CMSS1: variants seen among roughly 807,000 people sequenced by gnomAD.
CMSS1 encodes the protein protein CMSS1.
A neutral mutation model predicts 43.5 loss-of-function variants in CMSS1; 33 were observed. The observed-to-expected ratio is 0.76, with a 90% CI of 0.57 to 1.01. The LOEUF (loss-of-function observed/expected upper bound fraction) is 1.01. Among genes scored for constraint, CMSS1 ranks in the 50% least tolerant of loss-of-function variants. CMSS1 has a pLI of 0.00. For missense variants in CMSS1, 313 were observed against 326.4 expected, an observed-to-expected ratio of 0.96 and a Z score of 0.32; for synonymous variants, 115 against 117.2, an observed-to-expected ratio of 0.98 and a Z score of 0.12.
intron 2 of CMSS1, among the ~76,000 whole-genome samples, chr3:100,148,030 T>G (rs1576104645): frequency 6.6e-6 from 1 of 152,312 alleles, no homozygotes; most frequent in East Asian, 1.9e-4. Context: ...TCCTTTTAAT[T>G]TTAAAAAATT....
intron 1 of CMSS1, among the ~76,000 whole-genome samples, chr3:99,974,733 C>A (rs967016424): frequency 1.3e-5 from 2 of 151,980 alleles, no homozygotes; most frequent in Non-Finnish European, 2.9e-5. Flanking sequence ...ACAACAACAA[C>A]AAAAACTCAT....
chr3:99,873,126 T>A lies in CMSS1; in HGVS notation c.64+55083T>A, dbSNP rs555288514. Among the ~76,000 whole-genome samples, 29 of 152,276 alleles carry A rather than the reference T, an allele frequency of 1.9e-4. No homozygotes were observed. In the East Asian group the frequency reaches 5.6e-3, roughly 29 times the overall value. ...CTGGGTTGGTGGCTAGAAAATGTTG[T>A]GGTGATGACAGCAGCAACCACAGAA... is the stretch of plus-strand genomic sequence containing the variant. On this transcript the variant is annotated intron_variant, in intron 1 of 9. Coordinates refer to ENST00000421999, the MANE Select transcript of CMSS1 (RefSeq NM_032359.4).
rs867658995 is a variant in CMSS1, at chr3:99,983,452, A to G, written c.65-163521A>G. ...TGTATGTATATATATGTATGTATAT[A>G]TATATATGTGTGTATATATATATAT... is the stretch of plus-strand genomic sequence containing the variant. On this transcript the variant is annotated intron_variant, in intron 1 of 9. Coordinates refer to ENST00000421999, the MANE Select transcript of CMSS1 (RefSeq NM_032359.4). Among the ~76,000 whole-genome samples, 43 of 8,232 alleles carry G rather than the reference A, an allele frequency of 5.2e-3. 2 individuals are homozygous for G. The highest frequency in any genetic ancestry group is 0.021 in the African/African-American group (39 of 1,854). 5.4% of individuals were successfully genotyped at this position (8,232 alleles called of 152,430 possible). A position where few individuals can be genotyped will look rare whatever the true frequency, so the allele number is the denominator to read the frequency against.
intron 1 of CMSS1, among the ~76,000 whole-genome samples, chr3:100,072,733 T>C (rs766755281): frequency 1.3e-5 from 2 of 152,212 alleles, no homozygotes; most frequent in African/African-American, 2.4e-5. Context: ...TGAGGACTTA[T>C]CACCTGACCT....
intron 1 of CMSS1, among the ~76,000 whole-genome samples, chr3:100,105,554 C>T (rs541280913): frequency 5.9e-5 from 9 of 152,188 alleles, no homozygotes; most frequent in Non-Finnish European, 1.3e-4. Flanking sequence ...TAAGATTAAC[C>T]GAAAACATAG....
At chr3:99,996,907 A>G (rs988708677) in intron 1 of CMSS1, among the ~76,000 whole-genome samples, 9 of 152,180 alleles carry the variant, frequency 5.9e-5, no homozygotes, top group Non-Finnish European at 1.3e-4. Flanking sequence ...TCACTGGGTC[A>G]ATGAAGAAAT....
intron 1 of CMSS1, among the ~76,000 whole-genome samples, chr3:99,892,017 TTC>T (rs1706097104): frequency 6.6e-6 from 1 of 152,206 alleles, no homozygotes; most frequent in South Asian, 2.1e-4. Flanking sequence ...CAGTTGTTAC[TTC>T]TTAGTTCAGG....
At chr3:100,056,697 C>A (rs1295589970) in intron 1 of CMSS1, among the ~76,000 whole-genome samples, 1 of 146,828 alleles carries the variant, frequency 6.8e-6, no homozygotes, top group African/African-American at 2.5e-5. Context: ...CAGCTCTAGA[C>A]CATTAAAAAA....
intron 1 of CMSS1, among the ~76,000 whole-genome samples, chr3:100,054,490 TTGTTA>T (rs10668094): frequency 0.46 from 67,024 of 145,964 alleles, 15,416 homozygotes; most frequent in African/African-American, 0.5. Context: ...ATGTTATGTT[TTGTTA>T]TGTTATGTTA....
At chr3:99,887,815 G>A (rs1705957365) in intron 1 of CMSS1, among the ~76,000 whole-genome samples, 1 of 152,116 alleles carries the variant, frequency 6.6e-6, no homozygotes, top group African/African-American at 2.4e-5. Context: ...GGTCACTGCA[G>A]CCTCGACCTC....
chr3:99,839,743 T>G (rs1943048187), intron 1 of CMSS1, among the ~76,000 whole-genome samples: 1 of 152,242 alleles, frequency 6.6e-6, no homozygotes. Flanking sequence ...GAACATGCTC[T>G]CAGCCAGTCT....
At chr3:99,936,836 C>T (rs1707691669) in intron 1 of CMSS1, among the ~76,000 whole-genome samples, 1 of 151,992 alleles carries the variant, frequency 6.6e-6, no homozygotes, top group East Asian at 1.9e-4. Context: ...AGGAAAAATC[C>T]TGGTTTAACA....
At chr3:99,950,813 G>C (rs1336038622) in intron 1 of CMSS1, among the ~76,000 whole-genome samples, 5 of 152,158 alleles carry the variant, frequency 3.3e-5, no homozygotes, top group Non-Finnish European at 7.3e-5. Flanking sequence ...ATTCAAAACA[G>C]AGCTATGTAT....
chr3:99,819,283 G>A (rs536751463), intron 1 of CMSS1, among the ~76,000 whole-genome samples: 214 of 152,302 alleles, frequency 1.4e-3, no homozygotes, highest in African/African-American at 5.0e-3. Flanking sequence ...CAACTCAGGT[G>A]TTAAAAAGCT....
At chr3:99,846,806 TG>T (rs1186400434) in intron 1 of CMSS1, among the ~76,000 whole-genome samples, 1 of 152,228 alleles carries the variant, frequency 6.6e-6, no homozygotes, top group Non-Finnish European at 1.5e-5. Flanking sequence ...GATGTCTAAA[TG>T]AATTGTATTT....
At chr3:99,956,408 C>T (rs1331444968) in intron 1 of CMSS1, among the ~76,000 whole-genome samples, 1 of 152,082 alleles carries the variant, frequency 6.6e-6, no homozygotes, top group Non-Finnish European at 1.5e-5. Context: ...GCTGGAGTGC[C>T]CTGGCATGAT....
chr3:100,172,627 G>A (rs1279166502), intron 8 of CMSS1, among the ~76,000 whole-genome samples: 1 of 152,186 alleles, frequency 6.6e-6, no homozygotes, highest in Non-Finnish European at 1.5e-5. Flanking sequence ...CCTAAACAGA[G>A]TCAAATTCCA....
Position 99,830,639 on chromosome 3 carries a change from T to C in CMSS1, c.64+12596T>C, listed in dbSNP as rs146528780. 6.6e-3 allele frequency: 3,002 copies of C among 454,744 alleles called. 15 individuals are homozygous for C. The highest frequency in any genetic ancestry group is 8.6e-3 in the African/African-American group (429 of 50,164). The allele number at this position is 454,744 out of a possible 1,614,324, so 28.2% of individuals were successfully genotyped here. A position where few individuals can be genotyped will look rare whatever the true frequency, so the allele number is the denominator to read the frequency against. ...AAACAAGAGAACAAAAGGTAATTAA[T>C]GGTACAGTTGGTGGAGAAGTAGAAA... On this transcript the variant is annotated intron_variant, in intron 1 of 9. Coordinates refer to ENST00000421999, the MANE Select transcript of CMSS1 (RefSeq NM_032359.4).
chr3:99,876,228 A>G (rs1705511965), intron 1 of CMSS1: 1 of 985,192 alleles, frequency 1.0e-6, no homozygotes, highest in African/African-American at 1.7e-5. Flanking sequence ...GTTCTGCCTT[A>G]TAAGGCGCTC....
Sources: allele counts gnomAD v4.1 joint callset (sites outside exome capture counted in the v4.1 genomes callset), GRCh38; gene constraint gnomAD v4.1.1; transcripts MANE v1.5; gene names NCBI Gene and HGNC (gene_info 2026-07-23, HGNC 2026-07-21).